The following KCNJ6 variants were observed in gnomAD, a reference collection of about 807,000 sequenced individuals.
KCNJ6 encodes the protein G protein-activated inward rectifier potassium channel 2.
Under a neutral mutation model 34.2 loss-of-function variants are expected in KCNJ6, and 9 were observed. That is an observed-to-expected ratio of 0.26 (90% confidence interval 0.16 to 0.46). The LOEUF (loss-of-function observed/expected upper bound fraction) is 0.46, where lower values mean the gene tolerates loss of function less well. Ranked by LOEUF, KCNJ6 falls within the 20% of genes least tolerant of loss-of-function variation. The pLI, the probability that KCNJ6 is intolerant of heterozygous loss-of-function variation, is 1.00. For missense variants in KCNJ6, 236 were observed against 531.3 expected, an observed-to-expected ratio of 0.44 and a Z score of 5.46; for synonymous variants, 196 against 207.1, an observed-to-expected ratio of 0.95 and a Z score of 0.46.
At chr21:37,690,035 A>G (rs2123427078) in intron 3 of KCNJ6, among the ~76,000 whole-genome samples, 1 of 152,362 alleles carries the variant, frequency 6.6e-6, no homozygotes, top group African/African-American at 2.4e-5. Context: ...GCAATAAACT[A>G]CAGATTATCC....
chr21:37,677,704 C>T (rs1431286056), intron 3 of KCNJ6, among the ~76,000 whole-genome samples: 1 of 147,964 alleles, frequency 6.8e-6, no homozygotes, highest in East Asian at 1.9e-4. Flanking sequence ...TCCATTTATC[C>T]ATTCATTCAA....
chr21:37,905,687 G>A (rs997168368), intron 1 of KCNJ6, among the ~76,000 whole-genome samples: 12 of 152,128 alleles, frequency 7.9e-5, no homozygotes, highest in African/African-American at 2.9e-4. Context: ...GTAATGCTAT[G>A]CTTCTTTGTG....
intron 1 of KCNJ6, among the ~76,000 whole-genome samples, chr21:37,910,260 T>C (rs79787220): frequency 0.029 from 4,445 of 152,208 alleles, 225 homozygotes; most frequent in African/African-American, 0.1. Flanking sequence ...TTGATGCAGA[T>C]TCAGTTAGTA....
intron 1 of KCNJ6, among the ~76,000 whole-genome samples, chr21:37,911,545 T>C (rs2055867221): frequency 6.6e-6 from 1 of 152,172 alleles, no homozygotes; most frequent in Non-Finnish European, 1.5e-5. Flanking sequence ...AAACTTAAAG[T>C]TCTAATACAA....
rs777883890 is a variant in KCNJ6 at position 37,736,434 on chromosome 21, G to C, written c.26-21303C>G. On this transcript the variant is annotated intron_variant, in intron 2 of 3. Transcript: ENST00000609713. ...TGTTTTGGAACATGATGGAGTTGTT[G>C]GCTGCACAACATCATCAATGTACTA... 4.7e-4 allele frequency among the ~76,000 whole-genome samples: 72 copies of C among 152,270 alleles called. No homozygotes were observed. The Middle Eastern group carries it at 0.01, about 22-fold the overall frequency.
At chr21:37,823,671 T>A (rs1039837797) in intron 2 of KCNJ6, among the ~76,000 whole-genome samples, 1 of 152,208 alleles carries the variant, frequency 6.6e-6, no homozygotes, top group African/African-American at 2.4e-5. Flanking sequence ...GATTGTAAGT[T>A]TCTTGGGGCC....
Position 37,798,476 on chromosome 21 carries a change from G to A in KCNJ6, c.25+42182C>T, listed in dbSNP as rs189373349. Among the ~76,000 whole-genome samples the A allele has an allele frequency of 7.7e-3, 383 of 49,890 alleles. 3 individuals are homozygous for A. Among genetic ancestry groups the A allele is most frequent in the African/African-American group, 0.015 (357 of 23,664 alleles). 32.7% of individuals were successfully genotyped at this position (49,890 alleles called of 152,430 possible). A position where few individuals can be genotyped will look rare whatever the true frequency, so the allele number is the denominator to read the frequency against. On this transcript the variant is annotated intron_variant, in intron 2 of 3. Transcript: ENST00000609713. The stretch of plus-strand genomic sequence containing the variant: ...AGAAAACATATGCTCACACAAAAAC[G>A]TCCAAGGCAGTGTTGCTCACAATAA...
intron 2 of KCNJ6, among the ~76,000 whole-genome samples, chr21:37,794,999 A>G (rs2055234470): frequency 6.6e-6 from 1 of 152,216 alleles, no homozygotes; most frequent in African/African-American, 2.4e-5. Context: ...AAGATCATGT[A>G]AAACTCCACT....
intron 2 of KCNJ6, among the ~76,000 whole-genome samples, chr21:37,765,543 G>A (rs897106376): frequency 1.1e-4 from 17 of 152,194 alleles, no homozygotes; most frequent in African/African-American, 3.9e-4. Flanking sequence ...CCCAGACACG[G>A]AATTCTCTGG....
chr21:37,879,939 AT>A (rs1413267788), intron 1 of KCNJ6, among the ~76,000 whole-genome samples: 1 of 152,102 alleles, frequency 6.6e-6, no homozygotes, highest in Non-Finnish European at 1.5e-5. Flanking sequence ...TTTTATAGAA[AT>A]TTACACCTAA....
chr21:37,612,778 C>CA lies in KCNJ6; in HGVS notation c.*12380dup, dbSNP rs914603117. 7.2e-5 allele frequency: 10 copies of CA among 139,436 alleles called. No homozygotes were observed. Among genetic ancestry groups the CA allele is most frequent in the Non-Finnish European group, 1.2e-4 (8 of 64,544 alleles). The allele number at this position is 139,436 out of a possible 1,614,324, so 8.6% of individuals were successfully genotyped here. A position where few individuals can be genotyped will look rare whatever the true frequency, so the allele number is the denominator to read the frequency against. ...ATACAGACCTAACAAACACTTTTCACAAAAATTAACTCAAAATCGGTCACA... is the reference window on the plus strand; with the variant it reads ...ATACAGACCTAACAAACACTTTTCACAAAAAATTAACTCAAAATCGGTCACA... On this transcript the variant is annotated 3_prime_UTR_variant, in exon 4 of 4. Transcript: ENST00000609713.
intron 3 of KCNJ6, among the ~76,000 whole-genome samples, chr21:37,697,480 G>A (rs1477507324): frequency 6.6e-6 from 1 of 152,286 alleles, no homozygotes; most frequent in Non-Finnish European, 1.5e-5. Context: ...AGAAGAAAAC[G>A]ACTTTGAGTT....
chr21:37,797,849 C>T lies in KCNJ6; in HGVS notation c.25+42809G>A, dbSNP rs548308905. On this transcript the variant is annotated intron_variant, in intron 2 of 3. Coordinates refer to ENST00000609713, the MANE Select transcript of KCNJ6 (RefSeq NM_002240.5). ...CTTCTTACCTCCAAGAGGGGAAGGC[C>T]GAAAGAAGAAATGAAGGGAAATGGG... Among the ~76,000 whole-genome samples, 7 of 152,040 alleles carry T rather than the reference C, an allele frequency of 4.6e-5. No homozygotes were observed. The East Asian group carries it at 7.7e-4, about 17-fold the overall frequency.
At chr21:37,679,887 A>G (rs1427744690) in intron 3 of KCNJ6, among the ~76,000 whole-genome samples, 1 of 152,252 alleles carries the variant, frequency 6.6e-6, no homozygotes, top group African/African-American at 2.4e-5. Context: ...GAGCTTTACC[A>G]AACATCTTCG....
rs1569428684 is a variant in KCNJ6, at chr21:37,612,114, AAAAC to A, written c.*13041_*13044del. 6.6e-6 allele frequency: 1 copy of A among 152,246 alleles called. No homozygotes were observed. The highest frequency in any genetic ancestry group is 1.5e-5 in the Non-Finnish European group (1 of 68,038). 9.4% of individuals were successfully genotyped at this position (152,246 alleles called of 1,614,324 possible). A position where few individuals can be genotyped will look rare whatever the true frequency, so the allele number is the denominator to read the frequency against. On this transcript the variant is annotated 3_prime_UTR_variant, in exon 4 of 4. Coordinates refer to ENST00000609713, the MANE Select transcript of KCNJ6 (RefSeq NM_002240.5). Reference sequence around the variant, plus strand: ...AAATAACTGACCAAAAAACAAAACAAAAACAAGCCCCAGAACCTTCCTGGAACTA... The same window carrying A: ...AAATAACTGACCAAAAAACAAAACAAAAGCCCCAGAACCTTCCTGGAACTA...
At chr21:37,667,512 G>A (rs1382410160) in intron 3 of KCNJ6, among the ~76,000 whole-genome samples, 1 of 151,838 alleles carries the variant, frequency 6.6e-6, no homozygotes, top group Non-Finnish European at 1.5e-5. Flanking sequence ...GGACGCTGGG[G>A]TAGTGGGCGC....
Position 37,625,025 on chromosome 21 carries a change from T to C in KCNJ6, c.*134A>G. On this transcript the variant is annotated 3_prime_UTR_variant, in exon 4 of 4. Transcript: ENST00000609713. ...GGTAGATATTTTACACCTTGAAGAT[T>C]TGTTTTCTGGTCATGTAAAAATTAA... 1.4e-6 allele frequency: 1 copy of C among 694,808 alleles called. No individual in the cohort carries two copies. The highest frequency in any genetic ancestry group is 2.4e-6 in the Non-Finnish European group (1 of 408,768). 43.0% of individuals were successfully genotyped at this position (694,808 alleles called of 1,614,324 possible).
chr21:37,696,810 T>C (rs184513671), intron 3 of KCNJ6, among the ~76,000 whole-genome samples: 1 of 152,188 alleles, frequency 6.6e-6, no homozygotes, highest in Non-Finnish European at 1.5e-5. Context: ...AAAACTCACA[T>C]GTATACATGC....
intron 1 of KCNJ6, among the ~76,000 whole-genome samples, chr21:37,896,908 A>G (rs978504417): frequency 2.0e-5 from 3 of 152,206 alleles, no homozygotes; most frequent in Non-Finnish European, 4.4e-5. Flanking sequence ...CTGAGCTTCA[A>G]AAAGGAAAAG....
Sources: gnomAD v4.1 joint callset for allele counts (sites outside exome capture counted in the v4.1 genomes callset) on GRCh38, gnomAD v4.1.1 for gene constraint, MANE v1.5 for transcripts, NCBI Gene and HGNC (gene_info 2026-07-23, HGNC 2026-07-21) for gene names.